TRPV5: variants seen among roughly 807,000 people sequenced by gnomAD.
TRPV5 encodes the protein calcium transport protein 2.
In TRPV5, 66 loss-of-function variants were observed where a neutral mutation model predicts 74.1. That is an observed-to-expected ratio of 0.89 (90% CI 0.73 to 1.09). The LOEUF is 1.09. Ranked by LOEUF, TRPV5 falls within the 50% of genes least tolerant of loss-of-function variation. TRPV5 has a pLI of 0.00. For synonymous variants in TRPV5, 399 were observed against 360.7 expected, an observed-to-expected ratio of 1.11 and a Z score of -1.20; for missense variants, 936 against 930.4, an observed-to-expected ratio of 1.01 and a Z score of -0.08.
intron 13 of TRPV5, among the ~76,000 whole-genome samples, chr7:142,910,177 G>T (rs1023546689): frequency 6.6e-6 from 1 of 152,126 alleles, no homozygotes; most frequent in Non-Finnish European, 1.5e-5. Flanking sequence ...AAACTGGGAG[G>T]GATATGTAAT....
At chr7:142,910,867 G>T (rs1365283749) in intron 13 of TRPV5, among the ~76,000 whole-genome samples, 1 of 152,120 alleles carries the variant, frequency 6.6e-6, no homozygotes, top group East Asian at 1.9e-4. Flanking sequence ...GGTTTGAGTG[G>T]ACTGGGCTTC....
chr7:142,915,650 C>T, intron 8 of TRPV5, 82 bp from the exon 9 acceptor site: 1 of 1,406,672 alleles, frequency 7.1e-7, no homozygotes, highest in Non-Finnish European at 9.8e-7. Context: ...GCTGCTAAAG[C>T]CCATCCAAAA....
chr7:142,918,338 G>A (rs1186252558), intron 8 of TRPV5, among the ~76,000 whole-genome samples: 2 of 152,176 alleles, frequency 1.3e-5, no homozygotes, highest in African/African-American at 4.8e-5. Flanking sequence ...CCATTCTCCA[G>A]CCTTACTCAT....
Position 142,925,714 on chromosome 7 carries a change from C to G in TRPV5, c.937G>C (p.Val313Leu), listed in dbSNP as rs1316263780. 6.2e-7 allele frequency: 1 copy of G among 1,614,128 alleles called. No homozygotes were observed. Among genetic ancestry groups the G allele is most frequent in the South Asian group, 1.1e-5 (1 of 91,076 alleles). The change falls in exon 8 of 15, where the codon GTG becomes CTG. Residue 313 changes from valine (V) to leucine (L), a missense_variant. Val to Leu is a conservative substitution (Grantham distance 32). Transcript: ENST00000265310. ...CACTTGAAGCTCACCAGCTCCTTCACTGGGGTCTGTTCCAGAATTTGGCGA... is the reference window on the plus strand; with the variant it reads ...CACTTGAAGCTCACCAGCTCCTTCAGTGGGGTCTGTTCCAGAATTTGGCGA... The part of the protein sequence containing the change: ...EARQILEQTP[V>L]KELVSFKWNK...
chr7:142,914,459 T>C (rs1312276844), intron 12 of TRPV5, among the ~76,000 whole-genome samples, 181 bp downstream of exon 12: 1 of 152,072 alleles, frequency 6.6e-6, no homozygotes. Flanking sequence ...GAGTGGCCCC[T>C]GGTCCTATAA....
In TRPV5 at chr7:142,929,521, G is replaced by T; in HGVS notation, c.394C>A (p.Leu132Met). 1.9e-6 allele frequency: 3 copies of T among 1,614,122 alleles called. No homozygotes were observed. Among genetic ancestry groups the T allele is most frequent in the African/African-American group, 2.7e-5 (2 of 75,048 alleles). Residue 132 changes from leucine to methionine, a missense_variant, in exon 4 of 15, where the codon CTG becomes ATG. Physicochemically the swap from Leu to Met is conservative, Grantham distance 15 (BLOSUM62 2). Transcript: ENST00000265310. ...CTGCGGGTGAGCAGGGCACGCACCA[G>T]GTTCACATTCTGGTTCACAACAGCG... is the stretch of plus-strand genomic sequence containing the variant. ...HIAVVNQNVN[L>M]VRALLTRRAS...
intron 11 of TRPV5, 58 bp downstream of exon 11, chr7:142,914,823 C>T: frequency 1.2e-6 from 2 of 1,610,206 alleles, no homozygotes; most frequent in African/African-American, 1.3e-5. Context: ...CTACCTCCAT[C>T]CCTCTGTCTG....
intron 8 of TRPV5, among the ~76,000 whole-genome samples, chr7:142,924,271 T>C (rs7456263): frequency 9.4e-5 from 11 of 116,632 alleles, no homozygotes; most frequent in African/African-American, 3.8e-4. Context: ...TATACATATA[T>C]ATATATATAC....
rs1795644690 is a variant in TRPV5, at chr7:142,908,432, C to T, written c.*82G>A. 4 of 1,479,482 alleles carry T rather than the reference C, an allele frequency of 2.7e-6. No individual in the cohort carries two copies. Among genetic ancestry groups the T allele is most frequent in the Non-Finnish European group, 3.7e-6 (4 of 1,075,824 alleles). 91.6% of individuals were successfully genotyped at this position (1,479,482 alleles called of 1,614,324 possible). ...ATGATTAACAGGCACAGAAGTTAGA[C>T]ACTTGCATAGGCAGAGGTCTCCGTC... On this transcript the variant is annotated 3_prime_UTR_variant, in exon 15 of 15. Transcript: ENST00000265310.
chr7:142,922,974 G>A (rs940934769), intron 8 of TRPV5, among the ~76,000 whole-genome samples: 1 of 152,094 alleles, frequency 6.6e-6, no homozygotes, highest in Non-Finnish European at 1.5e-5. Flanking sequence ...GTAGTTTTTT[G>A]CTACCTTATA....
intron 7 of TRPV5, among the ~76,000 whole-genome samples, chr7:142,927,610 A>T (rs1376360476): frequency 6.7e-6 from 1 of 149,630 alleles, no homozygotes; most frequent in Non-Finnish European, 1.5e-5. Flanking sequence ...CAGGAGGAAG[A>T]GAGAGCAGGG....
Position 142,908,651 on chromosome 7 carries a change from T to C in TRPV5, c.2053A>G (p.Thr685Ala). Residue 685 changes from threonine to alanine, a missense_variant, in exon 15 of 15, where the codon ACT becomes GCT. Transcript: ENST00000265310. ...TLARASLALP[T>A]SSLSRTASQS... ...GACGCGGTCCGGGACAGGGAGGAAG[T>C]TGGAAGAGCCAAAGAGGCTCTGGCT... 6.2e-7 allele frequency: 1 copy of C among 1,614,142 alleles called. No homozygotes were observed.
In TRPV5 at chr7:142,908,206, G is replaced by C; in HGVS notation, c.*308C>G. On this transcript the variant is annotated 3_prime_UTR_variant, in exon 15 of 15. Coordinates refer to ENST00000265310, the MANE Select transcript of TRPV5 (RefSeq NM_019841.7). ...CTTACTACTTTCTAGGGGCTGCGTGGGGCAGAAGAGAAATGGTCCTGACAT... is the reference window on the plus strand; with the variant it reads ...CTTACTACTTTCTAGGGGCTGCGTGCGGCAGAAGAGAAATGGTCCTGACAT... 1 of 443,426 alleles carries C rather than the reference G, an allele frequency of 2.3e-6. No individual in the cohort carries two copies. The highest frequency in any genetic ancestry group is 3.8e-5 in the Admixed American group (1 of 26,232). The allele number at this position is 443,426 out of a possible 1,614,324, so 27.5% of individuals were successfully genotyped here. A position where few individuals can be genotyped will look rare whatever the true frequency, so the allele number is the denominator to read the frequency against.
At position 142,931,954 on chromosome 7, in the gene TRPV5, G is replaced by A. The variant is rs4252385; in HGVS notation, c.128+1378C>T. ...TGACCTCAGGTGATCCACCCATCTC[G>A]GCCTCCCAAAGTGCTGGGATTACAG... On this transcript the variant is annotated intron_variant, in intron 1 of 14. Transcript: ENST00000265310. 2.1e-3 allele frequency among the ~76,000 whole-genome samples: 315 copies of A among 152,118 alleles called. 1 individual carries two copies. The highest frequency in any genetic ancestry group is 7.1e-3 in the African/African-American group (293 of 41,492).
intron 1 of TRPV5, among the ~76,000 whole-genome samples, chr7:142,931,868 G>GT (rs1302243716): frequency 6.6e-6 from 1 of 151,844 alleles, no homozygotes; most frequent in Middle Eastern, 3.2e-3. Flanking sequence ...TGCCTGACTA[G>GT]TTTTTTTATT....
chr7:142,912,167 T>A (rs1445232783), intron 13 of TRPV5, among the ~76,000 whole-genome samples: 1 of 152,182 alleles, frequency 6.6e-6, no homozygotes, highest in African/African-American at 2.4e-5. Flanking sequence ...AAATAGAAGA[T>A]AAGATCCAAA....
At chr7:142,926,784 G>A (rs1327192803) in intron 7 of TRPV5, among the ~76,000 whole-genome samples, 1 of 152,208 alleles carries the variant, frequency 6.6e-6, no homozygotes, top group African/African-American at 2.4e-5. Flanking sequence ...GTGGGATTGT[G>A]CTTTTAATAC....
rs184061997 is a variant in TRPV5 at position 142,916,453 on chromosome 7, C to G, written c.1123-885G>C. ...TTGAAGTTATGAGCTCACTTGAAAA[C>G]ATAATAAAAACTGTATATCTTCTTT... On this transcript the variant is annotated intron_variant, in intron 8 of 14. Transcript: ENST00000265310. Among the ~76,000 whole-genome samples the G allele has an allele frequency of 1.3e-4, 20 of 151,968 alleles. No homozygotes were observed. The East Asian group carries it at 3.7e-3, about 28-fold the overall frequency.
In TRPV5 at chr7:142,929,003, TC is replaced by T; in HGVS notation, c.586+18del. 1 of 1,613,428 alleles carries T rather than the reference TC, an allele frequency of 6.2e-7. No individual in the cohort carries two copies. The highest frequency in any genetic ancestry group is 8.5e-7 in the Non-Finnish European group (1 of 1,179,900). ...GCTCCCCACAGCATCCCAGCTCCCCTCCCCATCCCAGCTCTTACCCAGGGAG... is the reference window on the plus strand; with the variant it reads ...GCTCCCCACAGCATCCCAGCTCCCCTCCCATCCCAGCTCTTACCCAGGGAG... On this transcript the variant is annotated intron_variant, in intron 5 of 14. Coordinates refer to ENST00000265310, the MANE Select transcript of TRPV5 (RefSeq NM_019841.7).
Sources: gnomAD v4.1 joint callset for allele counts (sites outside exome capture counted in the v4.1 genomes callset) on GRCh38, gnomAD v4.1.1 for gene constraint, MANE v1.5 for transcripts, NCBI Gene and HGNC (gene_info 2026-07-23, HGNC 2026-07-21) for gene names.